Variants in ANKS1B observed in about 807,000 individuals in gnomAD.
The protein encoded by ANKS1B is ankyrin repeat and sterile alpha motif domain-containing protein 1B.
ANKS1B carries 36 observed loss-of-function variants against 148.3 expected under a neutral mutation model. That is an observed-to-expected ratio of 0.24 (90% CI 0.19 to 0.32). ANKS1B has a LOEUF of 0.32. Among genes scored for constraint, ANKS1B ranks in the 10% least tolerant of loss-of-function variants. The pLI is 1.00. For missense variants in ANKS1B, 1,157 were observed against 1,542.6 expected (o/e 0.75, Z 4.19); for synonymous variants, 542 against 560.8 (o/e 0.97, Z 0.47).
At chr12:98,904,377 A>T (rs146040063) in intron 17 of ANKS1B, among the ~76,000 whole-genome samples, 1 of 152,318 alleles carries the variant, frequency 6.6e-6, no homozygotes, top group East Asian at 1.9e-4. Context: ...CCCAAGAGTT[A>T]CCATAAGTCG....
chr12:99,814,374 CA>C (rs1053851192), intron 2 of ANKS1B, among the ~76,000 whole-genome samples: 10 of 151,470 alleles, frequency 6.6e-5, no homozygotes, highest in Admixed American at 5.3e-4. Flanking sequence ...AGCACTATAC[CA>C]ATAATAGCAC....
rs34999951 is a variant in ANKS1B, at chr12:99,951,713, GAA to G, written c.134+32389_134+32390del. The stretch of plus-strand genomic sequence containing the variant: ...AACATAGCAAGACCTTGCCTCTACC[GAA>G]AAAAAAAAAAAAATTAAAATTAGCC... On this transcript the variant is annotated intron_variant, in intron 1 of 26. Coordinates refer to ENST00000683438, the MANE Select transcript of ANKS1B (RefSeq NM_001352186.2). 9.8e-3 allele frequency among the ~76,000 whole-genome samples: 1,411 copies of G among 144,008 alleles called. 24 individuals carry two copies. The highest frequency in any genetic ancestry group is 0.033 in the African/African-American group (1,303 of 39,234). 94.5% of individuals were successfully genotyped at this position (144,008 alleles called of 152,430 possible). A position where few individuals can be genotyped will look rare whatever the true frequency, so the allele number is the denominator to read the frequency against.
In ANKS1B at chr12:98,801,068, A is replaced by G. The variant is rs750169793; in HGVS notation, c.3199T>C (p.Ser1067Pro). ...TLRPPNEATA[S>P]TPVQYWQHHP... ...TGCTGCCAGTACTGTACCGGGGTAG[A>G]GGCTGTGGCTTCATTCGGAGGTCGC... The change falls in exon 21 of 27, where the codon TCT becomes CCT. Residue 1067 changes from serine (S) to proline (P), a missense_variant. Coordinates refer to ENST00000683438, the MANE Select transcript of ANKS1B (RefSeq NM_001352186.2). This position sits in a 1 kb window ranked among gnomAD's most constrained non-coding sequence, Gnocchi z 5.2. 30 of 1,612,840 alleles carry G rather than the reference A, an allele frequency of 1.9e-5. No homozygotes were observed. Among genetic ancestry groups the G allele is most frequent in the Non-Finnish European group, 2.5e-6 (3 of 1,179,496 alleles).
chr12:99,769,083 CTT>C (rs2062956680), intron 8 of ANKS1B, among the ~76,000 whole-genome samples: 1 of 151,830 alleles, frequency 6.6e-6, no homozygotes, highest in Non-Finnish European at 1.5e-5. Context: ...ATTCAAGAGA[CTT>C]TTAGAAGCTC....
chr12:99,443,644 G>C (rs2095587197), intron 11 of ANKS1B, 29 bp downstream of exon 11: 1 of 1,608,920 alleles, frequency 6.2e-7, no homozygotes, highest in Non-Finnish European at 8.5e-7. Context: ...ACACATTAGA[G>C]GGAAAATGAT....
chr12:99,441,083 TAATA>T (rs879669016), intron 11 of ANKS1B, among the ~76,000 whole-genome samples: 9 of 151,920 alleles, frequency 5.9e-5, no homozygotes, highest in East Asian at 1.9e-4. Context: ...TATTAATTTT[TAATA>T]AATAAATTTT....
At chr12:99,880,908 C>T (rs1477432606) in intron 1 of ANKS1B, among the ~76,000 whole-genome samples, 1 of 152,206 alleles carries the variant, frequency 6.6e-6, no homozygotes, top group Non-Finnish European at 1.5e-5. Flanking sequence ...TTATTTTTCT[C>T]CACTAGAACC....
intron 17 of ANKS1B, among the ~76,000 whole-genome samples, chr12:99,049,462 A>C (rs1361529737): frequency 6.6e-6 from 1 of 152,154 alleles, no homozygotes; most frequent in African/African-American, 2.4e-5. Flanking sequence ...CCTAAATCTG[A>C]TACTCATAGG....
chr12:99,642,659 T>C (rs887693247), intron 9 of ANKS1B, among the ~76,000 whole-genome samples: 2 of 151,882 alleles, frequency 1.3e-5, no homozygotes, highest in Admixed American at 6.6e-5. Flanking sequence ...CTACTAAAAA[T>C]ACAAAAAATT....
chr12:99,895,710 C>T (rs1436358182), intron 1 of ANKS1B, among the ~76,000 whole-genome samples: 2 of 151,048 alleles, frequency 1.3e-5, no homozygotes, highest in Non-Finnish European at 3.0e-5. Flanking sequence ...ACCTGCTTAA[C>T]ACACCAGCAC....
intron 12 of ANKS1B, among the ~76,000 whole-genome samples, chr12:99,358,500 A>G (rs1208295647): frequency 2.6e-5 from 4 of 151,998 alleles, no homozygotes; most frequent in African/African-American, 7.2e-5. Flanking sequence ...GGTATCTACA[A>G]TTTTCCAAGT....
chr12:98,742,044 T>G (rs765277955), downstream of ANKS1B, among the ~76,000 whole-genome samples: 4 of 151,826 alleles, frequency 2.6e-5, no homozygotes, highest in Non-Finnish European at 5.9e-5. Flanking sequence ...AAAATCTGAC[T>G]CCATCTCTTG....
chr12:99,321,905 G>A (rs1156830900), intron 12 of ANKS1B, among the ~76,000 whole-genome samples: 1 of 152,156 alleles, frequency 6.6e-6, no homozygotes, highest in East Asian at 1.9e-4. Context: ...TTACACTGTT[G>A]GTGGGAATGT....
chr12:99,267,030 G>C (rs947878377), intron 12 of ANKS1B, among the ~76,000 whole-genome samples: 1 of 152,162 alleles, frequency 6.6e-6, no homozygotes, highest in Non-Finnish European at 1.5e-5. Context: ...AGTATCATAA[G>C]AGTATTTGGA....
chr12:98,743,664 C>A (rs1192735920), downstream of ANKS1B, among the ~76,000 whole-genome samples: 1 of 152,176 alleles, frequency 6.6e-6, no homozygotes, highest in East Asian at 1.9e-4. Context: ...AACATACCAT[C>A]GAGGCTGTGC....
intron 1 of ANKS1B, among the ~76,000 whole-genome samples, chr12:99,970,819 C>G (rs915828670): frequency 2.0e-5 from 3 of 152,166 alleles, no homozygotes; most frequent in African/African-American, 7.2e-5. Flanking sequence ...TCCTCCAAGT[C>G]AAATTCTGGG....
At chr12:99,846,091 C>T (rs1224041191) in intron 1 of ANKS1B, among the ~76,000 whole-genome samples, 2 of 151,964 alleles carry the variant, frequency 1.3e-5, no homozygotes, top group Non-Finnish European at 2.9e-5. Context: ...TTTGCCTATC[C>T]ATTTATTTTC....
At chr12:99,477,011 G>A (rs1267959117) in intron 10 of ANKS1B, among the ~76,000 whole-genome samples, 1 of 152,082 alleles carries the variant, frequency 6.6e-6, no homozygotes, top group African/African-American at 2.4e-5. Context: ...CTTGTCCCAT[G>A]GGCCTCTCCA....
At chr12:99,176,824 T>A (rs1363109083) in intron 14 of ANKS1B, among the ~76,000 whole-genome samples, 1 of 151,990 alleles carries the variant, frequency 6.6e-6, no homozygotes, top group Non-Finnish European at 1.5e-5. Context: ...CAATAAAGGC[T>A]CCCTGAGAGC....
Sources: allele counts gnomAD v4.1 joint callset (sites outside exome capture counted in the v4.1 genomes callset), GRCh38; gene constraint gnomAD v4.1.1; non-coding constraint Gnocchi (gnomAD v3.1); transcripts MANE v1.5; gene names NCBI Gene and HGNC (gene_info 2026-07-23, HGNC 2026-07-21).